Variants in OTUD4 observed in about 807,000 individuals in gnomAD.
OTUD4 encodes OTU deubiquitinase 4.
OTUD4 carries 24 observed loss-of-function variants against 130.4 expected under a neutral mutation model. The observed-to-expected ratio is 0.18, with a 90% confidence interval of 0.13 to 0.26. The LOEUF is 0.26. OTUD4 is among the 10% of genes least tolerant of loss of function. OTUD4 has a pLI of 1.00. For synonymous variants in OTUD4, 420 were observed against 472.5 expected, an observed-to-expected ratio of 0.89 and a Z score of 1.44; for missense variants, 1,031 against 1,329.4, an observed-to-expected ratio of 0.78 and a Z score of 3.49.
chr4:145,149,322 G>A (rs1053918277), intron 13 of OTUD4, among the ~76,000 whole-genome samples: 1 of 152,130 alleles, frequency 6.6e-6, no homozygotes, highest in Non-Finnish European at 1.5e-5. Context: ...TAGAGCCTTC[G>A]GAGACAGCAT....
chr4:145,156,064 T>C (rs772882391), intron 7 of OTUD4, 68 bp from the exon 8 acceptor site: 32 of 1,236,364 alleles, frequency 2.6e-5, no homozygotes, highest in Non-Finnish European at 3.6e-5. Flanking sequence ...TCTAACCTCA[T>C]CTAAACGTCT....
At chr4:145,145,521 G>GT (rs1021755533) in intron 14 of OTUD4, among the ~76,000 whole-genome samples, 1 of 152,088 alleles carries the variant, frequency 6.6e-6, no homozygotes, top group African/African-American at 2.4e-5. Context: ...GTAACCTCCC[G>GT]TAACAGTCCA....
intron 1 of OTUD4, among the ~76,000 whole-genome samples, chr4:145,176,373 A>C (rs923126806): frequency 6.6e-5 from 10 of 151,848 alleles, no homozygotes; most frequent in African/African-American, 2.4e-4. Flanking sequence ...ATTTATATTA[A>C]TAGAAAGTAT....
intron 1 of OTUD4, among the ~76,000 whole-genome samples, chr4:145,175,871 C>T (rs111872024): frequency 0.058 from 8,816 of 151,688 alleles, 392 homozygotes; most frequent in South Asian, 0.18. Context: ...TTATCCAATG[C>T]TTCCTTCTAG....
chr4:145,160,279 C>T (rs1751493493), intron 6 of OTUD4, among the ~76,000 whole-genome samples: 1 of 152,104 alleles, frequency 6.6e-6, no homozygotes, highest in Non-Finnish European at 1.5e-5. Context: ...AACCTAGCTC[C>T]AGATTTTAAT....
intron 5 of OTUD4, 41 bp from the exon 6 acceptor site, chr4:145,162,762 C>A: frequency 9.8e-7 from 1 of 1,019,468 alleles, no homozygotes; most frequent in Non-Finnish European, 1.5e-6. Flanking sequence ...GCCCCTCATA[C>A]ATATAACATT....
chr4:145,160,885 G>A (rs923938265), intron 6 of OTUD4, among the ~76,000 whole-genome samples: 1 of 151,310 alleles, frequency 6.6e-6, no homozygotes, highest in African/African-American at 2.4e-5. Flanking sequence ...TGAGGTAGGC[G>A]GATCAGTTGA....
intron 10 of OTUD4, among the ~76,000 whole-genome samples, chr4:145,155,184 G>A (rs1259242734): frequency 6.6e-6 from 1 of 152,194 alleles, no homozygotes; most frequent in Admixed American, 6.5e-5. Flanking sequence ...TGTTTTTAAA[G>A]ATCATGTGAT....
chr4:145,168,203 T>C (rs946641681), intron 3 of OTUD4, among the ~76,000 whole-genome samples: 35 of 151,854 alleles, frequency 2.3e-4, no homozygotes, highest in Non-Finnish European at 2.9e-5. Flanking sequence ...TAGTCATCAG[T>C]ATTAAGCTCT....
intron 18 of OTUD4, 95 bp downstream of exon 18, chr4:145,142,101 A>C (rs539955023): frequency 5.6e-6 from 6 of 1,074,266 alleles, no homozygotes; most frequent in Non-Finnish European, 8.4e-6. Context: ...CCACACACCT[A>C]ATCCTGCTCA....
intron 1 of OTUD4, among the ~76,000 whole-genome samples, chr4:145,176,879 C>A (rs1211538755): frequency 2.6e-5 from 4 of 152,334 alleles, no homozygotes; most frequent in African/African-American, 9.6e-5. Flanking sequence ...TCCTATTACG[C>A]TGAGATACAC....
intron 1 of OTUD4, among the ~76,000 whole-genome samples, chr4:145,178,348 T>G (rs1218217245): frequency 6.6e-6 from 1 of 152,232 alleles, no homozygotes; most frequent in African/African-American, 2.4e-5. Context: ...CCGCCATTTA[T>G]TTCTACCTCC....
chr4:145,164,338 C>A, intron 4 of OTUD4, 112 bp from the exon 5 acceptor site: 2 of 487,382 alleles, frequency 4.1e-6, no homozygotes, highest in Non-Finnish European at 7.5e-6. Flanking sequence ...GTCCCAACCA[C>A]TGGAGATACA....
At chr4:145,157,556 T>C (rs961313575) in intron 7 of OTUD4, among the ~76,000 whole-genome samples, 1 of 151,918 alleles carries the variant, frequency 6.6e-6, no homozygotes, top group African/African-American at 2.4e-5. Context: ...TGGTGGCACA[T>C]GCCTGTAATC....
chr4:145,138,777 G>T, intron 20 of OTUD4, 127 bp from the exon 21 acceptor site: 2 of 725,384 alleles, frequency 2.8e-6, no homozygotes, highest in Non-Finnish European at 4.5e-6. Context: ...ATAATCTATA[G>T]TCCAAATACT....
At chr4:145,172,163 G>C (rs541760026) in intron 2 of OTUD4, among the ~76,000 whole-genome samples, 1 of 152,358 alleles carries the variant, frequency 6.6e-6, no homozygotes, top group South Asian at 2.1e-4. Context: ...AGGGCCTTGA[G>C]CCCAGGCAGG....
In OTUD4 at chr4:145,137,331, G is replaced by T. The variant is rs2126731566; in HGVS notation, c.*99C>A. 2.0e-6 allele frequency: 2 copies of T among 983,110 alleles called. No homozygotes were observed. The highest frequency in any genetic ancestry group is 1.6e-5 in the African/African-American group (1 of 61,922). The allele number at this position is 983,110 out of a possible 1,614,324, so 60.9% of individuals were successfully genotyped here. On this transcript the variant is annotated 3_prime_UTR_variant, in exon 21 of 21. Transcript: ENST00000447906. ...GGTAAGGGGGGCTGGGGAGAGGAAA[G>T]AGTTCCAACTGCGGTTTTTACTTTA...
intron 17 of OTUD4, 58 bp downstream of exon 17, chr4:145,143,307 C>G (rs1750650207): frequency 2.8e-6 from 3 of 1,080,070 alleles, no homozygotes; most frequent in Non-Finnish European, 4.3e-6. Flanking sequence ...ACCCTATACA[C>G]AGAGCACAGA....
At chr4:145,157,459 C>T (rs909015617) in intron 7 of OTUD4, among the ~76,000 whole-genome samples, 4 of 152,076 alleles carry the variant, frequency 2.6e-5, no homozygotes, top group African/African-American at 4.8e-5. Context: ...GAGGCCGAGG[C>T]GGGTGGATCG....
Sources: allele counts gnomAD v4.1 joint callset (sites outside exome capture counted in the v4.1 genomes callset), GRCh38; gene constraint gnomAD v4.1.1; transcripts MANE v1.5; gene names NCBI Gene and HGNC (gene_info 2026-07-23, HGNC 2026-07-21).